PDE4B: variants seen among roughly 807,000 people sequenced by gnomAD.
PDE4B encodes phosphodiesterase 4B, also known as 3',5'-cyclic-AMP phosphodiesterase 4B.
Under a neutral mutation model 82.2 loss-of-function variants are expected in PDE4B, and 20 were observed. The ratio of observed to expected loss-of-function variants is 0.24; its 90% CI spans 0.17 to 0.35. The LOEUF (loss-of-function observed/expected upper bound fraction) is 0.35, where lower values mean the gene tolerates loss of function less well. PDE4B is among the 10% of genes least tolerant of loss of function. The probability of loss-of-function intolerance (pLI) is 1.00; values close to 1 mark genes in which losing one functional copy is unlikely to be tolerated. For missense variants in PDE4B, 655 were observed against 907.2 expected, an observed-to-expected ratio of 0.72 and a Z score of 3.57; for synonymous variants, 320 against 318.9, an observed-to-expected ratio of 1.00 and a Z score of -0.04.
chr1:65,869,783 T>A (rs1053606882), intron 1 of PDE4B, among the ~76,000 whole-genome samples: 3 of 131,604 alleles, frequency 2.3e-5, no homozygotes, highest in African/African-American at 8.7e-5. Flanking sequence ...ACTTATTACT[T>A]GGCTATACCA....
At chr1:66,334,700 T>C (rs967116220) in intron 8 of PDE4B, among the ~76,000 whole-genome samples, 1 of 152,388 alleles carries the variant, frequency 6.6e-6, no homozygotes, top group East Asian at 1.9e-4. Context: ...ACAGCTAAGA[T>C]TAATTTTTAA....
chr1:66,087,410 G>A (rs1387646290), intron 3 of PDE4B, among the ~76,000 whole-genome samples: 1 of 152,100 alleles, frequency 6.6e-6, no homozygotes, highest in African/African-American at 2.4e-5. Context: ...TGTCAGATGA[G>A]TAGGTTGCGA....
intron 7 of PDE4B, among the ~76,000 whole-genome samples, chr1:66,322,276 A>C (rs1236532061): frequency 6.6e-6 from 1 of 152,234 alleles, no homozygotes; most frequent in Non-Finnish European, 1.5e-5. Flanking sequence ...CATGACTAAA[A>C]CACCAAAAGC....
At chr1:66,350,851 G>A (rs1182754772) in intron 8 of PDE4B, among the ~76,000 whole-genome samples, 1 of 152,166 alleles carries the variant, frequency 6.6e-6, no homozygotes, top group Non-Finnish European at 1.5e-5. Flanking sequence ...TCTGTATGCA[G>A]TGTTAAAACT....
intron 3 of PDE4B, among the ~76,000 whole-genome samples, chr1:66,194,455 A>G (rs1648100021): frequency 6.6e-6 from 1 of 152,176 alleles, no homozygotes; most frequent in Non-Finnish European, 1.5e-5. Flanking sequence ...ACAGCAAGAA[A>G]GGTTACAAGG....
chr1:66,352,999 C>T (rs1336079709), intron 8 of PDE4B, among the ~76,000 whole-genome samples: 1 of 152,214 alleles, frequency 6.6e-6, no homozygotes, highest in Non-Finnish European at 1.5e-5. Flanking sequence ...AAGTTCACTT[C>T]TTTGCCAAAA....
intron 3 of PDE4B, among the ~76,000 whole-genome samples, chr1:66,079,196 C>CTCTCTCTG (rs1553142407): frequency 2.0e-4 from 27 of 136,878 alleles, no homozygotes; most frequent in African/African-American, 6.7e-4. Flanking sequence ...CTCTCTCTCT[C>CTCTCTCTG]TCTCTGTCTC....
intron 7 of PDE4B, among the ~76,000 whole-genome samples, chr1:66,294,231 T>C (rs1356068906): frequency 3.3e-5 from 5 of 151,990 alleles, no homozygotes; most frequent in Non-Finnish European, 7.4e-5. Context: ...AAAAAATCTG[T>C]GATTTTATTT....
intron 3 of PDE4B, among the ~76,000 whole-genome samples, chr1:66,014,549 C>T (rs1208083235): frequency 6.6e-6 from 1 of 152,058 alleles, no homozygotes; most frequent in African/African-American, 2.4e-5. Flanking sequence ...ACCCAGCTCT[C>T]CCAACACCAT....
intron 3 of PDE4B, among the ~76,000 whole-genome samples, chr1:65,963,390 T>C (rs2100603069): frequency 6.6e-6 from 1 of 152,310 alleles, no homozygotes; most frequent in South Asian, 2.1e-4. Flanking sequence ...GAGGAGAATG[T>C]CGCAGCTGTC....
intron 3 of PDE4B, among the ~76,000 whole-genome samples, chr1:66,069,904 CTTTTTGATTCTT>C (rs1436744498): frequency 6.6e-6 from 1 of 151,934 alleles, no homozygotes; most frequent in African/African-American, 2.4e-5. Context: ...AGATTTACTC[CTTTTTGATTCTT>C]TGTGTAAAGC....
intron 3 of PDE4B, among the ~76,000 whole-genome samples, chr1:66,200,955 C>T (rs1648868505): frequency 6.6e-6 from 1 of 152,086 alleles, no homozygotes; most frequent in Non-Finnish European, 1.5e-5. Flanking sequence ...CAGTTTTTGC[C>T]CATTCAGTAT....
chr1:65,828,594 T>G (rs192885971), intron 1 of PDE4B, among the ~76,000 whole-genome samples: 2 of 152,194 alleles, frequency 1.3e-5, no homozygotes, highest in East Asian at 3.9e-4. Context: ...AAAGCAAAAT[T>G]GTAAAAATAT....
intron 7 of PDE4B, among the ~76,000 whole-genome samples, chr1:66,281,860 A>G (rs1656323645): frequency 6.6e-6 from 1 of 152,216 alleles, no homozygotes; most frequent in Non-Finnish European, 1.5e-5. Flanking sequence ...GCCTCCATGA[A>G]TGTAACTAGT....
At chr1:66,289,146 T>C (rs1656889580) in intron 7 of PDE4B, among the ~76,000 whole-genome samples, 1 of 152,114 alleles carries the variant, frequency 6.6e-6, no homozygotes, top group East Asian at 1.9e-4. Flanking sequence ...CACATGCCTG[T>C]GATCTCAGCC....
At chr1:66,076,022 CT>C (rs950737789) in intron 3 of PDE4B, among the ~76,000 whole-genome samples, 21 of 149,492 alleles carry the variant, frequency 1.4e-4, no homozygotes, top group East Asian at 7.9e-4. Context: ...TTCTTTCTTT[CT>C]TTTTTTTTTC....
At chr1:65,810,621 A>G (rs1645807561) in intron 1 of PDE4B, among the ~76,000 whole-genome samples, 1 of 152,162 alleles carries the variant, frequency 6.6e-6, no homozygotes, top group African/African-American at 2.4e-5. Context: ...AGATGAAGAA[A>G]TGGAGAGGTT....
intron 3 of PDE4B, among the ~76,000 whole-genome samples, chr1:66,060,994 T>TA (rs892623992): frequency 6.6e-6 from 1 of 151,728 alleles, no homozygotes; most frequent in Non-Finnish European, 1.5e-5. Context: ...AAGAAGTGAA[T>TA]AAAATTGAGA....
At chr1:66,044,816 G>A (rs1025357203) in intron 3 of PDE4B, among the ~76,000 whole-genome samples, 19 of 151,532 alleles carry the variant, frequency 1.3e-4, no homozygotes, top group Non-Finnish European at 1.5e-4. Flanking sequence ...ATCATTTTAT[G>A]AGTAAAATTT....
Sources: gnomAD v4.1 joint callset for allele counts (sites outside exome capture counted in the v4.1 genomes callset) on GRCh38, gnomAD v4.1.1 for gene constraint, MANE v1.5 for transcripts, NCBI Gene and HGNC (gene_info 2026-07-23, HGNC 2026-07-21) for gene names.